The following ASIC2 variants were observed in gnomAD, a reference collection of about 807,000 sequenced individuals.
ASIC2 encodes acid-sensing ion channel 2.
In ASIC2, 25 loss-of-function variants were observed where a neutral mutation model predicts 57.3. The ratio of observed to expected loss-of-function variants is 0.44; its 90% CI spans 0.32 to 0.61. The LOEUF (loss-of-function observed/expected upper bound fraction) is 0.61. Among genes scored for constraint, ASIC2 ranks in the 20% least tolerant of loss-of-function variants. ASIC2 has a pLI of 0.06. For synonymous variants in ASIC2, 319 were observed against 307.5 expected (o/e 1.04, Z -0.39); for missense variants, 641 against 738.1 (o/e 0.87, Z 1.52).
At chr17:33,611,526 G>A (rs1311661405) in intron 1 of ASIC2, among the ~76,000 whole-genome samples, 2 of 152,334 alleles carry the variant, frequency 1.3e-5, no homozygotes, top group African/African-American at 4.8e-5. Flanking sequence ...TGGTCTGTAG[G>A]TTGACTGAAG....
chr17:33,760,831 C>T (rs1910758133), intron 1 of ASIC2, among the ~76,000 whole-genome samples: 1 of 152,100 alleles, frequency 6.6e-6, no homozygotes, highest in Non-Finnish European at 1.5e-5. Flanking sequence ...TCTTCTTGAG[C>T]CCTTTAAATT....
At chr17:33,395,214 G>GTCCA (rs990254215) in intron 1 of ASIC2, among the ~76,000 whole-genome samples, 6 of 136,654 alleles carry the variant, frequency 4.4e-5, no homozygotes, top group African/African-American at 1.4e-4. Flanking sequence ...CCATCCATCC[G>GTCCA]TCCATCCATC....
intron 1 of ASIC2, among the ~76,000 whole-genome samples, chr17:33,938,756 C>T (rs888748749): frequency 2.6e-5 from 4 of 152,224 alleles, no homozygotes; most frequent in Admixed American, 2.6e-4. Context: ...AATTCTCACC[C>T]TCTACCCACC....
chr17:33,168,735 TAGTA>T (rs1280141769), intron 1 of ASIC2, among the ~76,000 whole-genome samples: 1 of 152,114 alleles, frequency 6.6e-6, no homozygotes, highest in African/African-American at 2.4e-5. Context: ...TAACCACAAA[TAGTA>T]AGACAAAATA....
chr17:33,493,826 A>G (rs1254965574), intron 1 of ASIC2, among the ~76,000 whole-genome samples: 1 of 152,000 alleles, frequency 6.6e-6, no homozygotes, highest in East Asian at 1.9e-4. Context: ...AGCCCACAAA[A>G]CTCAAAAAGG....
In ASIC2 at chr17:34,088,983, G is replaced by A. The variant is rs140663718; in HGVS notation, c.555+66995C>T. On this transcript the variant is annotated intron_variant, in intron 1 of 9. Coordinates refer to the ASIC2 transcript ENST00000359872. ...GAAAGGGAACCTCCTGACCCCTTGC[G>A]CTTCCCAAATGAGGCAATGCCTAGC... Among the ~76,000 whole-genome samples, 251 of 152,280 alleles carry A rather than the reference G, an allele frequency of 1.6e-3. 3 individuals carry two copies. Among genetic ancestry groups the A allele is most frequent in the African/African-American group, 5.6e-3 (233 of 41,564 alleles).
chr17:33,332,628 C>T (rs866425713), intron 1 of ASIC2, among the ~76,000 whole-genome samples: 5 of 152,128 alleles, frequency 3.3e-5, no homozygotes, highest in South Asian at 2.1e-4. Flanking sequence ...TGGTGGCTCA[C>T]GCTTGTAATC....
intron 1 of ASIC2, among the ~76,000 whole-genome samples, chr17:33,615,563 C>G (rs17782937): frequency 0.44 from 67,623 of 151,962 alleles, 15,357 homozygotes; most frequent in Middle Eastern, 0.53. Flanking sequence ...GGTCTTGGTT[C>G]TAATATCATG....
chr17:33,633,662 A>T (rs1183993873), intron 1 of ASIC2, among the ~76,000 whole-genome samples: 1 of 152,192 alleles, frequency 6.6e-6, no homozygotes, highest in Non-Finnish European at 1.5e-5. Context: ...ATGCACAGGG[A>T]TTGTGCCCAG....
chr17:33,849,644 T>C (rs931096882), intron 1 of ASIC2, among the ~76,000 whole-genome samples: 1 of 152,058 alleles, frequency 6.6e-6, no homozygotes, highest in Non-Finnish European at 1.5e-5. Context: ...GGAAGGGTGA[T>C]TAAGAGTTAA....
intron 1 of ASIC2, among the ~76,000 whole-genome samples, chr17:33,593,342 C>G (rs1423787628): frequency 6.6e-6 from 1 of 151,258 alleles, no homozygotes; most frequent in Non-Finnish European, 1.5e-5. Context: ...ACTTGATTGT[C>G]TCTCTGGGTC....
At chr17:33,894,325 C>T (rs1392185598) in intron 1 of ASIC2, among the ~76,000 whole-genome samples, 1 of 144,490 alleles carries the variant, frequency 6.9e-6, no homozygotes, top group Admixed American at 7.3e-5. Flanking sequence ...ATGAGAGAAG[C>T]TCTGCGTGCG....
rs770048021 is a variant in ASIC2 at position 33,112,083 on chromosome 17, G to C, written c.709-16C>G. ...TTGTAAACACCTGAAGGAGAGAAGA[G>C]AGAGAGAGAGAGAAGCACATGGGTA... On this transcript the variant is annotated splice_polypyrimidine_tract_variant and intron_variant, in intron 1 of 9. Transcript: ENST00000225823. 3 of 1,518,552 alleles carry C rather than the reference G, an allele frequency of 2.0e-6. No homozygotes were observed. The highest frequency in any genetic ancestry group is 1.8e-6 in the Non-Finnish European group (2 of 1,112,432). 94.1% of individuals were successfully genotyped at this position (1,518,552 alleles called of 1,614,324 possible).
At chr17:34,151,125 A>G (rs66484463) in intron 1 of ASIC2, among the ~76,000 whole-genome samples, 54,163 of 147,048 alleles carry the variant, frequency 0.37, 10,178 homozygotes, top group Middle Eastern at 0.46. Context: ...AAAAAAAAAA[A>G]TAAAGAGGTA....
chr17:33,208,144 T>C (rs1907139083), intron 1 of ASIC2, among the ~76,000 whole-genome samples: 1 of 152,200 alleles, frequency 6.6e-6, no homozygotes, highest in Admixed American at 6.5e-5. Context: ...GGAAGGGTGT[T>C]GGTTATAACC....
At position 33,266,761 on chromosome 17, in the gene ASIC2, A is replaced by G. The variant is rs745663098; in HGVS notation, c.708+24647T>C. Among the ~76,000 whole-genome samples, 70 of 152,156 alleles carry G rather than the reference A, an allele frequency of 4.6e-4. 1 individual carries two copies. Among genetic ancestry groups the G allele is most frequent in the Middle Eastern group, 3.2e-3 (1 of 316 alleles). On this transcript the variant is annotated intron_variant, in intron 1 of 9. Coordinates refer to ENST00000225823, the MANE Select transcript of ASIC2 (RefSeq NM_183377.2). ...TGTCAATGGTGCATGCCATTGTGAC[A>G]TTATAATGGACTACAACTCCCTCGC...
At chr17:33,067,383 A>T (rs2092047946) in intron 3 of ASIC2, among the ~76,000 whole-genome samples, 1 of 152,178 alleles carries the variant, frequency 6.6e-6, no homozygotes, top group African/African-American at 2.4e-5. Flanking sequence ...ATGAGTAGCT[A>T]GAGGAGATGG....
chr17:33,683,782 A>G (rs532467820), intron 1 of ASIC2, among the ~76,000 whole-genome samples: 1 of 152,208 alleles, frequency 6.6e-6, no homozygotes, highest in East Asian at 1.9e-4. Context: ...GGCTCAAGCA[A>G]TCCTCCCACA....
At chr17:34,091,374 C>G (rs977726471) in intron 1 of ASIC2, among the ~76,000 whole-genome samples, 3 of 152,252 alleles carry the variant, frequency 2.0e-5, no homozygotes, top group Non-Finnish European at 4.4e-5. Context: ...GGCATTTCTG[C>G]CATGTCCCTG....
Sources: gnomAD v4.1 joint callset for allele counts (sites outside exome capture counted in the v4.1 genomes callset) on GRCh38, gnomAD v4.1.1 for gene constraint, MANE v1.5 for transcripts, NCBI Gene and HGNC (gene_info 2026-07-23, HGNC 2026-07-21) for gene names.